Variants in IFRD1 observed in about 807,000 individuals in gnomAD.
The protein encoded by IFRD1 is interferon-related developmental regulator 1.
A neutral mutation model predicts 52.9 loss-of-function variants in IFRD1; 35 were observed. The ratio of observed to expected loss-of-function variants is 0.66; its 90% CI spans 0.51 to 0.88. The LOEUF (loss-of-function observed/expected upper bound fraction) is 0.88, where lower values mean the gene tolerates loss of function less well. Ranked by LOEUF, IFRD1 falls within the 40% of genes least tolerant of loss-of-function variation. The pLI is 0.00. For synonymous variants in IFRD1, 184 were observed against 188.4 expected (o/e 0.98, Z 0.19); for missense variants, 517 against 550.8 (o/e 0.94, Z 0.61).
chr7:112,429,456 A>G (rs954049249), intron 1 of IFRD1, among the ~76,000 whole-genome samples: 2 of 152,234 alleles, frequency 1.3e-5, no homozygotes, highest in African/African-American at 4.8e-5. Flanking sequence ...GGAACACAGC[A>G]TGCTGTCATC....
chr7:112,443,495 C>T (rs1794944613), intron 1 of IFRD1, among the ~76,000 whole-genome samples: 1 of 151,946 alleles, frequency 6.6e-6, no homozygotes, highest in South Asian at 2.1e-4. Flanking sequence ...TGCTTGAGCC[C>T]AGGAGGTCAA....
At chr7:112,442,417 G>C (rs138416657) in intron 1 of IFRD1, among the ~76,000 whole-genome samples, 1 of 152,306 alleles carries the variant, frequency 6.6e-6, no homozygotes, top group Admixed American at 6.5e-5. Context: ...ACATAATGAT[G>C]TCATTTTTAT....
intron 11 of IFRD1, among the ~76,000 whole-genome samples, chr7:112,473,934 T>C (rs543909867): frequency 6.6e-6 from 1 of 152,352 alleles, no homozygotes; most frequent in South Asian, 2.1e-4. Flanking sequence ...TGGCAACCGC[T>C]AATCTGCTGT....
rs543130824 is a variant in IFRD1 at position 112,452,710 on chromosome 7, CT to C, written c.94+1932del. On this transcript the variant is annotated intron_variant, in intron 1 of 11. Coordinates refer to ENST00000403825, the MANE Select transcript of IFRD1 (RefSeq NM_001550.4). Reference sequence around the variant, plus strand: ...CCTCTGGTGGCTGTATGGGGATTGCCTTTTAAATTTTGCTTCAGGGCTCATT... The same window carrying C: ...CCTCTGGTGGCTGTATGGGGATTGCCTTTAAATTTTGCTTCAGGGCTCATT... Among the ~76,000 whole-genome samples, 5 of 152,276 alleles carry C rather than the reference CT, an allele frequency of 3.3e-5. No individual in the cohort carries two copies. In the East Asian group the frequency reaches 5.8e-4, roughly 18 times the overall value.
chr7:112,429,088 G>A (rs971525469), intron 1 of IFRD1, among the ~76,000 whole-genome samples: 1 of 152,148 alleles, frequency 6.6e-6, no homozygotes, highest in African/African-American at 2.4e-5. Flanking sequence ...TGAACTCTTT[G>A]GTTCTTAGAC....
chr7:112,457,734 C>T (rs947404742), intron 4 of IFRD1: 6 of 152,056 alleles, frequency 3.9e-5, no homozygotes, highest in Non-Finnish European at 5.9e-5. Flanking sequence ...CAAAACAAAA[C>T]GAGATTTGGT....
At chr7:112,467,087 C>G (rs1217202041) in intron 8 of IFRD1, among the ~76,000 whole-genome samples, 1 of 152,132 alleles carries the variant, frequency 6.6e-6, no homozygotes, top group African/African-American at 2.4e-5. Context: ...TTATTTTCCA[C>G]CAGTGTAATA....
intron 1 of IFRD1, among the ~76,000 whole-genome samples, chr7:112,438,360 A>G (rs972408921): frequency 2.0e-5 from 3 of 152,226 alleles, no homozygotes; most frequent in African/African-American, 7.2e-5. Context: ...TTATAGGGCT[A>G]TGAAAATGGC....
intron 4 of IFRD1, chr7:112,458,064 A>G (rs1795338596): frequency 1.3e-5 from 2 of 152,168 alleles, no homozygotes; most frequent in South Asian, 4.1e-4. Context: ...AAGATAACAC[A>G]ATGGCGCTAT....
intron 1 of IFRD1, among the ~76,000 whole-genome samples, chr7:112,431,740 T>C (rs3109114): frequency 0.87 from 132,860 of 152,206 alleles, 58,100 homozygotes; most frequent in Admixed American, 0.89. Flanking sequence ...GTCACAGTTA[T>C]GAAAGTAGTA....
At chr7:112,457,475 T>A (rs899973769) in intron 4 of IFRD1, 2 of 188,292 alleles carry the variant, frequency 1.1e-5, no homozygotes, top group Non-Finnish European at 2.2e-5. Context: ...GGAATTCAAA[T>A]TGTTACAGTG....
intron 11 of IFRD1, among the ~76,000 whole-genome samples, chr7:112,473,796 A>G (rs1248995222): frequency 6.6e-6 from 1 of 152,144 alleles, no homozygotes; most frequent in African/African-American, 2.4e-5. Flanking sequence ...AGACTATTTT[A>G]AAGTATACAG....
chr7:112,450,482 G>A lies in IFRD1; in HGVS notation c.-207G>A, dbSNP rs1268396001. 9 of 604,828 alleles carry A rather than the reference G, an allele frequency of 1.5e-5. No homozygotes were observed. Among genetic ancestry groups the A allele is most frequent in the East Asian group, 2.8e-5 (1 of 35,570 alleles). 37.5% of individuals were successfully genotyped at this position (604,828 alleles called of 1,614,324 possible). On this transcript the variant is annotated 5_prime_UTR_variant, in exon 1 of 12. Coordinates refer to ENST00000403825, the MANE Select transcript of IFRD1 (RefSeq NM_001550.4). ...CCCGCCTTAGCTCCCGCGCTAGAGA[G>A]AAACATGTATCGTTTTCGATCACAG...
At chr7:112,445,269 T>C (rs1171810728) in intron 1 of IFRD1, among the ~76,000 whole-genome samples, 3 of 152,068 alleles carry the variant, frequency 2.0e-5, no homozygotes, top group East Asian at 1.9e-4. Context: ...GGTTTCACCG[T>C]GTTAGCCAGG....
rs781478905 is a variant in IFRD1 at position 112,472,870 on chromosome 7, T to G, written c.1266+9T>G. The G allele has an allele frequency of 6.3e-7, 1 of 1,598,972 alleles. No homozygotes were observed. The highest frequency in any genetic ancestry group is 1.7e-5 in the Admixed American group (1 of 60,008). On this transcript the variant is annotated intron_variant, in intron 11 of 11. Transcript: ENST00000403825. ...TTTCTCGTTTCGAAAGGGTAGGTTT[T>G]GTTTTTATTTTTAATAAAACTAAGT...
At chr7:112,439,112 C>A (rs1794794033) in intron 1 of IFRD1, among the ~76,000 whole-genome samples, 1 of 152,144 alleles carries the variant, frequency 6.6e-6, no homozygotes, top group Non-Finnish European at 1.5e-5. Flanking sequence ...AGCAGTCATA[C>A]ACAATAATAG....
At chr7:112,450,104 A>T (rs1462469212), upstream of IFRD1, 2 of 157,320 alleles carry the variant, frequency 1.3e-5, no homozygotes, top group East Asian at 3.8e-4. Context: ...CCCACTGTGC[A>T]TCGCCGGTGC....
intron 1 of IFRD1, among the ~76,000 whole-genome samples, chr7:112,443,049 A>C (rs1794932002): frequency 6.6e-6 from 1 of 152,222 alleles, no homozygotes; most frequent in Non-Finnish European, 1.5e-5. Flanking sequence ...ATCATTAATC[A>C]CATTGAAACC....
At position 112,463,788 on chromosome 7, in the gene IFRD1, G is replaced by A. The variant is rs188865197; in HGVS notation, c.906+1410G>A. 2.3e-3 allele frequency among the ~76,000 whole-genome samples: 347 copies of A among 149,892 alleles called. 1 individual carries two copies. The highest frequency in any genetic ancestry group is 8.1e-3 in the African/African-American group (330 of 40,858). ...ATACATGTTGAATTTGTTTAAGTTT[G>A]TATAAACATATATATAGACACATAC... On this transcript the variant is annotated intron_variant, in intron 8 of 11. Coordinates refer to ENST00000403825, the MANE Select transcript of IFRD1 (RefSeq NM_001550.4).
Sources: allele counts gnomAD v4.1 joint callset (sites outside exome capture counted in the v4.1 genomes callset), GRCh38; gene constraint gnomAD v4.1.1; transcripts MANE v1.5; gene names NCBI Gene and HGNC (gene_info 2026-07-23, HGNC 2026-07-21).